Variants in MKLN1 observed in about 807,000 individuals in gnomAD.
MKLN1 encodes muskelin 1, also known as muskelin.
In MKLN1, 18 loss-of-function variants were observed where a neutral mutation model predicts 99.0. That is an observed-to-expected ratio of 0.18 (90% confidence interval 0.13 to 0.27). The LOEUF (loss-of-function observed/expected upper bound fraction) is 0.27, where lower values mean the gene tolerates loss of function less well. Ranked by LOEUF, MKLN1 falls within the 10% of genes least tolerant of loss-of-function variation. MKLN1 has a pLI of 1.00. For synonymous variants in MKLN1, 288 were observed against 293.2 expected, an observed-to-expected ratio of 0.98 and a Z score of 0.18; for missense variants, 621 against 875.9, an observed-to-expected ratio of 0.71 and a Z score of 3.67.
At chr7:131,211,485 G>T (rs536914135) in intron 3 of MKLN1, among the ~76,000 whole-genome samples, 8 of 152,208 alleles carry the variant, frequency 5.3e-5, no homozygotes, top group African/African-American at 1.7e-4. Context: ...ACTCTCCTAA[G>T]GTTAATTGGC....
At chr7:131,368,417 T>A (rs968403103) in intron 1 of MKLN1, among the ~76,000 whole-genome samples, 5 of 152,188 alleles carry the variant, frequency 3.3e-5, no homozygotes, top group African/African-American at 1.2e-4. Context: ...CTGGGTGATT[T>A]ATGAAGAAAA....
rs142205738 is a variant in MKLN1, at chr7:131,150,184, C to T, written c.-297+7243C>T. ...CACCAAGGACTGTTACAAACGCTCT[C>T]AATCACCATTGTTCATAACTTAAAA... On this transcript the variant is annotated intron_variant, in intron 2 of 7. Transcript: ENST00000416992. Among the ~76,000 whole-genome samples, 204 of 152,216 alleles carry T rather than the reference C, an allele frequency of 1.3e-3. 2 individuals are homozygous for T. Among genetic ancestry groups the T allele is most frequent in the African/African-American group, 4.7e-3 (194 of 41,552 alleles).
At chr7:131,179,668 G>C (rs1350393394) in intron 2 of MKLN1, among the ~76,000 whole-genome samples, 1 of 151,800 alleles carries the variant, frequency 6.6e-6, no homozygotes, top group East Asian at 1.9e-4. Context: ...TCCACCTCCT[G>C]GGTTCAAGCA....
At chr7:131,367,818 T>G (rs1035559961) in intron 1 of MKLN1, among the ~76,000 whole-genome samples, 5 of 152,192 alleles carry the variant, frequency 3.3e-5, no homozygotes, top group African/African-American at 9.7e-5. Context: ...GAAATACTCA[T>G]AAGTAAAAAT....
At chr7:131,284,072 T>A (rs1347113769) in intron 3 of MKLN1, among the ~76,000 whole-genome samples, 1 of 152,164 alleles carries the variant, frequency 6.6e-6, no homozygotes, top group African/African-American at 2.4e-5. Flanking sequence ...CTATTCCAAA[T>A]CATGATGTAA....
chr7:131,142,902 T>C, exon 2 of MKLN1: 1 of 1,305,124 alleles, frequency 7.7e-7, no homozygotes, highest in Non-Finnish European at 1.0e-6. Flanking sequence ...ATTGGATTCA[T>C]AACCTGCTCC....
At chr7:131,197,389 T>TATC (rs1458570390) in intron 2 of MKLN1, among the ~76,000 whole-genome samples, 2 of 44,980 alleles carry the variant, frequency 4.4e-5, no homozygotes, top group Non-Finnish European at 1.2e-4. Flanking sequence ...TTATTATTAT[T>TATC]ATTATTATTA....
At chr7:131,366,441 C>T (rs1349067888) in intron 1 of MKLN1, among the ~76,000 whole-genome samples, 6 of 152,064 alleles carry the variant, frequency 3.9e-5, no homozygotes, top group Non-Finnish European at 2.9e-5. Flanking sequence ...GCATCCTGAC[C>T]AGCCCTTATC....
At chr7:131,323,129 T>A (rs2116667134), upstream of MKLN1, among the ~76,000 whole-genome samples, 1 of 152,242 alleles carries the variant, frequency 6.6e-6, no homozygotes, top group African/African-American at 2.4e-5. Flanking sequence ...CCCATTCTGT[T>A]GTTGTTCTGC....
chr7:131,281,106 A>G (rs897968300), intron 3 of MKLN1, among the ~76,000 whole-genome samples: 2 of 152,002 alleles, frequency 1.3e-5, no homozygotes, highest in Non-Finnish European at 2.9e-5. Flanking sequence ...CATCCAAGAA[A>G]CTATTGCCAA....
At chr7:131,121,565 G>A (rs912339123) in intron 1 of MKLN1, among the ~76,000 whole-genome samples, 5 of 148,436 alleles carry the variant, frequency 3.4e-5, no homozygotes, top group Admixed American at 2.1e-4. Context: ...ATGAACCCCT[G>A]GGGGCGGAGC....
intron 3 of MKLN1, among the ~76,000 whole-genome samples, chr7:131,227,247 G>C (rs1013146003): frequency 2.0e-5 from 3 of 151,978 alleles, no homozygotes; most frequent in Admixed American, 1.3e-4. Context: ...CTTGCCTCTG[G>C]GCACAACCGG....
chr7:131,432,519 C>T (rs1795554533), intron 9 of MKLN1, among the ~76,000 whole-genome samples: 1 of 152,142 alleles, frequency 6.6e-6, no homozygotes, highest in Admixed American at 6.5e-5. Flanking sequence ...AATTAATAGA[C>T]TCATAAAAAC....
chr7:131,243,466 T>C (rs1797438350), intron 3 of MKLN1, among the ~76,000 whole-genome samples: 1 of 152,234 alleles, frequency 6.6e-6, no homozygotes, highest in African/African-American at 2.4e-5. Flanking sequence ...ACATTCAATC[T>C]GTTAATCTGT....
intron 15 of MKLN1, among the ~76,000 whole-genome samples, chr7:131,468,315 G>A (rs1431426028): frequency 6.6e-6 from 1 of 152,162 alleles, no homozygotes; most frequent in Non-Finnish European, 1.5e-5. Context: ...GAATTTGAGG[G>A]ACATCGCTAC....
In MKLN1 at chr7:131,258,130, A is replaced by T. The variant is rs7458503; in HGVS notation, c.-179+55156A>T. ...AGTGAGACTCTGTCTCAAAAAAATT[A>T]AAAAAAAAAAAAGCTCCTTTTTTTT... On this transcript the variant is annotated intron_variant, in intron 3 of 7. Coordinates refer to the MKLN1 transcript ENST00000416992. Among the ~76,000 whole-genome samples the T allele has an allele frequency of 7.0e-3, 803 of 114,658 alleles. 10 individuals carry two copies. The highest frequency in any genetic ancestry group is 0.021 in the African/African-American group (774 of 36,056). 75.2% of individuals were successfully genotyped at this position (114,658 alleles called of 152,430 possible).
chr7:131,445,655 C>T (rs2116519948), intron 11 of MKLN1, 119 bp from the exon 12 acceptor site: 1 of 716,452 alleles, frequency 1.4e-6, no homozygotes, highest in East Asian at 2.7e-5. Context: ...CAGCATAGTA[C>T]TCCATTGGGA....
At chr7:131,419,415 G>A (rs1478080653) in intron 8 of MKLN1, among the ~76,000 whole-genome samples, 1 of 151,454 alleles carries the variant, frequency 6.6e-6, no homozygotes, top group Non-Finnish European at 1.5e-5. Context: ...GCTAATTTTT[G>A]TATTTTTAGT....
At chr7:131,455,715 TGTCCTTCCCTCCTCCCCCGCAA>T (rs1219375933) in intron 12 of MKLN1, among the ~76,000 whole-genome samples, 3 of 152,192 alleles carry the variant, frequency 2.0e-5, no homozygotes, top group African/African-American at 7.2e-5. Flanking sequence ...GCAGGTCTTT[TGTCCTTCCCTCCTCCCCCGCAA>T]ATATACCCAT....
Sources: allele counts gnomAD v4.1 joint callset (sites outside exome capture counted in the v4.1 genomes callset), GRCh38; gene constraint gnomAD v4.1.1; transcripts MANE v1.5; gene names NCBI Gene and HGNC (gene_info 2026-07-23, HGNC 2026-07-21).